Variants in THADA observed in about 807,000 individuals in gnomAD.
THADA encodes THADA armadillo repeat containing, also known as tRNA (32-2'-O)-methyltransferase regulator THADA.
A neutral mutation model predicts 219.8 loss-of-function variants in THADA; 213 were observed. That is an observed-to-expected ratio of 0.97 (90% CI 0.87 to 1.09). The LOEUF is 1.09. Among genes scored for constraint, THADA ranks in the 50% least tolerant of loss-of-function variants. The pLI is 0.00. For synonymous variants in THADA, 1,018 were observed against 828.9 expected (o/e 1.23, Z -3.92); for missense variants, 2,956 against 2,311.3 (o/e 1.28, Z -5.72).
At chr2:43,504,254 ATTTTT>A (rs908412026) in intron 24 of THADA, among the ~76,000 whole-genome samples, 4 of 152,084 alleles carry the variant, frequency 2.6e-5, no homozygotes, top group Non-Finnish European at 5.9e-5. Context: ...ATTTCAGTCA[ATTTTT>A]TAAAGAAATA....
intron 29 of THADA, among the ~76,000 whole-genome samples, chr2:43,383,291 T>G (rs922004705): frequency 3.9e-5 from 6 of 152,228 alleles, no homozygotes; most frequent in Non-Finnish European, 5.9e-5. Flanking sequence ...ATAGGTGTTT[T>G]GGAGACAGTG....
rs115258389 is a variant in THADA at position 43,434,940 on chromosome 2, C to T, written c.3837-4638G>A. On this transcript the variant is annotated intron_variant, in intron 26 of 37. Coordinates refer to ENST00000405975, the MANE Select transcript of THADA (RefSeq NM_022065.5). ...CTGGGGCTTCAGCCGTAAACATTCA[C>T]CCCTCGACACTGCTGTGGAGTGGGA... is the stretch of plus-strand genomic sequence containing the variant. Among the ~76,000 whole-genome samples, 670 of 152,306 alleles carry T rather than the reference C, an allele frequency of 4.4e-3. 4 individuals are homozygous for T. The highest frequency in any genetic ancestry group is 0.015 in the African/African-American group (612 of 41,568).
chr2:43,461,618 T>C (rs1479142006), intron 26 of THADA, among the ~76,000 whole-genome samples: 2 of 152,196 alleles, frequency 1.3e-5, no homozygotes, highest in Non-Finnish European at 2.9e-5. Flanking sequence ...CCTGGATGAA[T>C]GCAAAATGAA....
intron 36 of THADA, among the ~76,000 whole-genome samples, chr2:43,275,875 G>A (rs577390238): frequency 4.6e-5 from 7 of 152,356 alleles, no homozygotes; most frequent in Admixed American, 4.6e-4. Flanking sequence ...TTAAAGTTAA[G>A]TATTGTCCAG....
intron 26 of THADA, among the ~76,000 whole-genome samples, chr2:43,442,158 G>A (rs779590967): frequency 2.0e-4 from 30 of 152,260 alleles, no homozygotes; most frequent in Non-Finnish European, 2.9e-4. Flanking sequence ...AACCAAGTCC[G>A]GCTGCAGTAG....
At chr2:43,245,623 G>GC (rs1436217632) in intron 36 of THADA, among the ~76,000 whole-genome samples, 1 of 152,156 alleles carries the variant, frequency 6.6e-6, no homozygotes, top group Admixed American at 6.6e-5. Flanking sequence ...CTTACTCAGG[G>GC]CTTCAGGTGG....
At chr2:43,324,294 C>T (rs1378080155) in intron 30 of THADA, among the ~76,000 whole-genome samples, 1 of 152,222 alleles carries the variant, frequency 6.6e-6, no homozygotes, top group Non-Finnish European at 1.5e-5. Flanking sequence ...AGACCCGGTA[C>T]AGGCTGGTGA....
intron 30 of THADA, among the ~76,000 whole-genome samples, chr2:43,322,720 C>T (rs1190686351): frequency 9.6e-6 from 1 of 104,512 alleles, no homozygotes; most frequent in African/African-American, 3.8e-5. Context: ...GAGTCTCTCT[C>T]TGTCACCCAG....
At chr2:43,410,189 T>G (rs181406188) in intron 28 of THADA, among the ~76,000 whole-genome samples, 1 of 152,068 alleles carries the variant, frequency 6.6e-6, no homozygotes, top group African/African-American at 2.4e-5. Flanking sequence ...AAAACCCCAG[T>G]GAAATACTAC....
chr2:43,400,478 A>ACATATATATATATATATATATATATAT (rs10687373), intron 28 of THADA, among the ~76,000 whole-genome samples: 27 of 116,990 alleles, frequency 2.3e-4, no homozygotes, highest in African/African-American at 9.2e-4. Flanking sequence ...TATATATATA[A>ACATATATATATATATATATATATATAT]ATATATACAC....
chr2:43,234,353 A>T (rs1403284379), intron 36 of THADA, among the ~76,000 whole-genome samples: 1 of 152,206 alleles, frequency 6.6e-6, no homozygotes, highest in Admixed American at 6.5e-5. Flanking sequence ...TAAGCAGGTG[A>T]AAGTACTGAT....
At chr2:43,294,436 CA>C (rs1295420913) in intron 31 of THADA, among the ~76,000 whole-genome samples, 1 of 152,106 alleles carries the variant, frequency 6.6e-6, no homozygotes, top group Non-Finnish European at 1.5e-5. Flanking sequence ...AAAGGCTCAA[CA>C]AAGGCATGAA....
intron 26 of THADA, 101 bp downstream of exon 26, chr2:43,485,133 A>G: frequency 1.2e-6 from 1 of 830,122 alleles, no homozygotes; most frequent in Admixed American, 2.2e-5. Context: ...TTTATGCTCT[A>G]GATGAATCTA....
At chr2:43,446,972 G>C (rs1681651777) in intron 26 of THADA, among the ~76,000 whole-genome samples, 1 of 152,126 alleles carries the variant, frequency 6.6e-6, no homozygotes, top group African/African-American at 2.4e-5. Context: ...TTGGCTTATA[G>C]CTGCGTATTA....
At chr2:43,494,859 A>C (rs1001375688) in intron 25 of THADA, among the ~76,000 whole-genome samples, 1 of 152,232 alleles carries the variant, frequency 6.6e-6, no homozygotes, top group Non-Finnish European at 1.5e-5. Flanking sequence ...GTATGGTTTC[A>C]ATACGAAAGA....
chr2:43,347,115 G>C (rs1356354346), intron 29 of THADA, among the ~76,000 whole-genome samples: 1 of 152,164 alleles, frequency 6.6e-6, no homozygotes, highest in Non-Finnish European at 1.5e-5. Context: ...TTAGTGCTAA[G>C]AATCCAGCCT....
At position 43,292,130 on chromosome 2, in the gene THADA, C is replaced by G; in HGVS notation, c.4911G>C (p.Trp1637Cys). Reference protein sequence around the residue: ...VHLTPKEFLIWTMDIASNERS... With the variant: ...VHLTPKEFLICTMDIASNERS... The stretch of plus-strand genomic sequence containing the variant: ...TTTCATTGGAAGCAATATCCATCGT[C>G]CAGATCAAGAACTCCTTTGGGGTCA... Residue 1637 changes from tryptophan (W) to cysteine (C), a missense_variant, in exon 33 of 38, where the codon TGG becomes TGC. Coordinates refer to ENST00000405975, the MANE Select transcript of THADA (RefSeq NM_022065.5). 1 of 1,610,228 alleles carries G rather than the reference C, an allele frequency of 6.2e-7. No homozygotes were observed. The highest frequency in any genetic ancestry group is 1.1e-5 in the South Asian group (1 of 89,968).
intron 28 of THADA, among the ~76,000 whole-genome samples, chr2:43,418,181 G>A (rs1021744284): frequency 6.6e-6 from 1 of 152,050 alleles, no homozygotes; most frequent in Non-Finnish European, 1.5e-5. Flanking sequence ...GACTCCTTAG[G>A]GAGTCACTTT....
chr2:43,429,746 T>C (rs1678993045), intron 27 of THADA, among the ~76,000 whole-genome samples: 1 of 151,904 alleles, frequency 6.6e-6, no homozygotes, highest in African/African-American at 2.4e-5. Context: ...AAATTTAACA[T>C]AAAATAGCAT....
Sources: allele counts gnomAD v4.1 joint callset (sites outside exome capture counted in the v4.1 genomes callset), GRCh38; gene constraint gnomAD v4.1.1; transcripts MANE v1.5; gene names NCBI Gene and HGNC (gene_info 2026-07-23, HGNC 2026-07-21).